The following RABGAP1L variants were observed in gnomAD, a reference collection of about 807,000 sequenced individuals.
RABGAP1L encodes rab GTPase-activating protein 1-like.
A neutral mutation model predicts 137.7 loss-of-function variants in RABGAP1L; 63 were observed. The observed-to-expected ratio is 0.46, with a 90% confidence interval of 0.37 to 0.56. The LOEUF (loss-of-function observed/expected upper bound fraction) is 0.56, where lower values mean the gene tolerates loss of function less well. Among genes scored for constraint, RABGAP1L ranks in the 20% least tolerant of loss-of-function variants. The probability of loss-of-function intolerance (pLI) is 0.00; values close to 1 mark genes in which losing one functional copy is unlikely to be tolerated. For missense variants in RABGAP1L, 1,095 were observed against 1,244.0 expected, an observed-to-expected ratio of 0.88 and a Z score of 1.80; for synonymous variants, 431 against 433.7, an observed-to-expected ratio of 0.99 and a Z score of 0.08.
intron 19 of RABGAP1L, among the ~76,000 whole-genome samples, chr1:174,927,426 C>T (rs985430476): frequency 5.9e-5 from 9 of 152,220 alleles, no homozygotes; most frequent in Admixed American, 1.3e-4. Flanking sequence ...GATAGGGTCT[C>T]GCTGCATTGC....
intron 1 of RABGAP1L, among the ~76,000 whole-genome samples, chr1:174,175,039 T>C (rs933508628): frequency 6.6e-6 from 1 of 152,224 alleles, no homozygotes; most frequent in Admixed American, 6.5e-5. Context: ...TTTTAAAATA[T>C]GAAATAGGAT....
At chr1:174,351,044 C>T (rs1400277191) in intron 11 of RABGAP1L, among the ~76,000 whole-genome samples, 71 of 107,608 alleles carry the variant, frequency 6.6e-4, no homozygotes, top group African/African-American at 2.2e-3. Flanking sequence ...AGTCCAGCTT[C>T]GGCTCCGCAT....
rs1038739312 is a variant in RABGAP1L, at chr1:174,448,480, T to C, written c.1710+54335T>C. On this transcript the variant is annotated intron_variant, in intron 13 of 25. Transcript: ENST00000681986. The surrounding 1 kb of genome is among the most constrained non-coding windows in gnomAD (Gnocchi z 4.2). ...AGGTTTTTGGATATATCATCTCAGT[T>C]CTAAAAAGTGTTTCTATGGCATGTC... 1 of 1,613,826 alleles carries C rather than the reference T, an allele frequency of 6.2e-7. No individual in the cohort carries two copies. The highest frequency in any genetic ancestry group is 8.5e-7 in the Non-Finnish European group (1 of 1,179,848).
At chr1:174,392,164 T>G (rs1319464428) in intron 12 of RABGAP1L, among the ~76,000 whole-genome samples, 1 of 152,190 alleles carries the variant, frequency 6.6e-6, no homozygotes, top group Non-Finnish European at 1.5e-5. Context: ...TTTAAAGAAT[T>G]GAAATGACTT....
intron 19 of RABGAP1L, among the ~76,000 whole-genome samples, chr1:174,851,852 A>G (rs992425791): frequency 1.3e-5 from 2 of 151,976 alleles, no homozygotes; most frequent in Non-Finnish European, 2.9e-5. Context: ...ATTAACTCCT[A>G]CCTTTCTAAA....
intron 19 of RABGAP1L, among the ~76,000 whole-genome samples, chr1:174,812,762 G>A (rs1690002946): frequency 6.6e-6 from 1 of 152,168 alleles, no homozygotes; most frequent in Non-Finnish European, 1.5e-5. Flanking sequence ...GAAGATAAAG[G>A]GAGGTTGGAT....
At chr1:174,223,758 AG>A (rs1453731565) in intron 3 of RABGAP1L, among the ~76,000 whole-genome samples, 1 of 152,160 alleles carries the variant, frequency 6.6e-6, no homozygotes, top group African/African-American at 2.4e-5. Flanking sequence ...TATCTGGACA[AG>A]TAGAGGTACA....
intron 1 of RABGAP1L, among the ~76,000 whole-genome samples, chr1:174,185,436 T>C (rs1179578618): frequency 1.3e-5 from 2 of 152,358 alleles, no homozygotes; most frequent in East Asian, 3.9e-4. Flanking sequence ...TTTTTGGTTT[T>C]ATTTGAATAA....
intron 17 of RABGAP1L, among the ~76,000 whole-genome samples, chr1:174,707,147 G>A (rs1221887067): frequency 6.6e-6 from 1 of 152,172 alleles, no homozygotes; most frequent in South Asian, 2.1e-4. Flanking sequence ...TTCCAAGGTA[G>A]CATGAGCATT....
intron 19 of RABGAP1L, among the ~76,000 whole-genome samples, chr1:174,944,298 A>AGAG (rs1666394205): frequency 6.8e-6 from 1 of 147,614 alleles, no homozygotes; most frequent in African/African-American, 2.5e-5. Flanking sequence ...AAAAAAAAGC[A>AGAG]AAGTTGTATG....
chr1:174,411,865 T>A (rs577379253), intron 13 of RABGAP1L, among the ~76,000 whole-genome samples: 1 of 152,230 alleles, frequency 6.6e-6, no homozygotes, highest in African/African-American at 2.4e-5. Flanking sequence ...TGTGACTTTT[T>A]AAAAAATTTA....
At chr1:174,334,768 G>A (rs1681328458) in intron 11 of RABGAP1L, among the ~76,000 whole-genome samples, 1 of 151,990 alleles carries the variant, frequency 6.6e-6, no homozygotes, top group South Asian at 2.1e-4. Flanking sequence ...TAAATAGTAT[G>A]AATAATAATA....
At chr1:174,487,119 G>A (rs1659747194) in intron 13 of RABGAP1L, among the ~76,000 whole-genome samples, 1 of 152,058 alleles carries the variant, frequency 6.6e-6, no homozygotes, top group Non-Finnish European at 1.5e-5. Context: ...GAAATGTTCT[G>A]TAAATATCTA....
intron 14 of RABGAP1L, among the ~76,000 whole-genome samples, chr1:174,678,836 T>G (rs1677840566): frequency 6.6e-6 from 1 of 152,172 alleles, no homozygotes; most frequent in Non-Finnish European, 1.5e-5. Flanking sequence ...CTAGCCCAAT[T>G]GGGAGCGGCA....
At chr1:174,724,284 T>C (rs1681811287) in intron 17 of RABGAP1L, among the ~76,000 whole-genome samples, 1 of 152,178 alleles carries the variant, frequency 6.6e-6, no homozygotes, top group Non-Finnish European at 1.5e-5. Context: ...TGTCAGCAGA[T>C]AACTAGATTT....
At chr1:174,339,107 T>C (rs1398307090) in intron 11 of RABGAP1L, among the ~76,000 whole-genome samples, 1 of 152,194 alleles carries the variant, frequency 6.6e-6, no homozygotes, top group African/African-American at 2.4e-5. Flanking sequence ...TTCTTTGGAT[T>C]AGTGCTTCAA....
At chr1:174,942,616 G>A (rs1287623202) in intron 19 of RABGAP1L, among the ~76,000 whole-genome samples, 2 of 152,186 alleles carry the variant, frequency 1.3e-5, no homozygotes, top group Non-Finnish European at 2.9e-5. Flanking sequence ...TGATAGAACA[G>A]CACCTACTTC....
intron 13 of RABGAP1L, among the ~76,000 whole-genome samples, chr1:174,395,970 T>G (rs1044798093): frequency 1.3e-5 from 2 of 152,168 alleles, no homozygotes; most frequent in African/African-American, 4.8e-5. Context: ...TTTGTAAGTC[T>G]TTTTTAGATA....
chr1:174,320,371 C>T lies in RABGAP1L; in HGVS notation c.1465+15244C>T, dbSNP rs79041270. ...TAGTCTTTTGTATCTGGCTTCTTTA[C>T]GTAGCATAATGCCTTTTAGATTTAT... On this transcript the variant is annotated intron_variant, in intron 11 of 25. Coordinates refer to ENST00000681986, the MANE Select transcript of RABGAP1L (RefSeq NM_001366446.1). 1.8e-4 allele frequency among the ~76,000 whole-genome samples: 27 copies of T among 152,280 alleles called. No individual in the cohort carries two copies. The East Asian group carries it at 3.9e-3, about 22-fold the overall frequency.
Sources: gnomAD v4.1 joint callset for allele counts (sites outside exome capture counted in the v4.1 genomes callset) on GRCh38, gnomAD v4.1.1 for gene constraint, Gnocchi (gnomAD v3.1) non-coding constraint, MANE v1.5 for transcripts, NCBI Gene and HGNC (gene_info 2026-07-23, HGNC 2026-07-21) for gene names.